Variants in NFAM1 observed in about 807,000 individuals in gnomAD.
NFAM1 encodes NFAT activation molecule 1.
NFAM1 carries 17 observed loss-of-function variants against 29.0 expected under a neutral mutation model. The ratio of observed to expected loss-of-function variants is 0.59; its 90% CI spans 0.40 to 0.88. The LOEUF (loss-of-function observed/expected upper bound fraction) is 0.88, where lower values mean the gene tolerates loss of function less well. Ranked by LOEUF, NFAM1 falls within the 40% of genes least tolerant of loss-of-function variation. The pLI is 0.00. For missense variants in NFAM1, 324 were observed against 344.6 expected, an observed-to-expected ratio of 0.94 and a Z score of 0.47; for synonymous variants, 175 against 147.2, an observed-to-expected ratio of 1.19 and a Z score of -1.36.
intron 5 of NFAM1, among the ~76,000 whole-genome samples, chr22:42,386,171 G>A (rs528876083): frequency 1.0e-3 from 152 of 152,116 alleles, no homozygotes; most frequent in African/African-American, 3.5e-3. Flanking sequence ...TCAGGAGTTC[G>A]AGACCAGCCT....
At chr22:42,393,622 T>C (rs953458215) in intron 4 of NFAM1, among the ~76,000 whole-genome samples, 3 of 150,466 alleles carry the variant, frequency 2.0e-5, no homozygotes, top group Admixed American at 6.6e-5. Context: ...TTCAGCATGT[T>C]GGCCAGGATG....
chr22:42,428,942 G>T (rs184282126), intron 1 of NFAM1, among the ~76,000 whole-genome samples: 144 of 152,340 alleles, frequency 9.5e-4, no homozygotes, highest in Non-Finnish European at 1.5e-3. Context: ...TCCTGGAAAA[G>T]CCAAGCCCCC....
chr22:42,405,584 G>A (rs1374385955), intron 3 of NFAM1, among the ~76,000 whole-genome samples: 2 of 152,226 alleles, frequency 1.3e-5, no homozygotes, highest in East Asian at 1.9e-4. Flanking sequence ...CATGGCAGGT[G>A]CATACTCGTG....
intron 3 of NFAM1, among the ~76,000 whole-genome samples, chr22:42,399,921 A>G (rs1929670622): frequency 6.6e-6 from 1 of 152,210 alleles, no homozygotes; most frequent in African/African-American, 2.4e-5. Context: ...ACCCCCAGTC[A>G]CAGCACATAA....
At position 42,388,055 on chromosome 22, in the gene NFAM1, A is replaced by C. The variant is rs1389141168; in HGVS notation, c.664-977T>G. ...CTTGGCACAAAGGGAGCAGCACCAA[A>C]TGAGCTATGGTAAGGGGGCTTCCCC... is the stretch of plus-strand genomic sequence containing the variant. On this transcript the variant is annotated intron_variant, in intron 4 of 5. Transcript: ENST00000329021. The surrounding 1 kb of genome is among the most constrained non-coding windows in gnomAD (Gnocchi z 4.1). Among the ~76,000 whole-genome samples, 1 of 152,214 alleles carries C rather than the reference A, an allele frequency of 6.6e-6. No individual in the cohort carries two copies. Among genetic ancestry groups the C allele is most frequent in the Non-Finnish European group, 1.5e-5 (1 of 68,038 alleles).
At position 42,384,052 on chromosome 22, in the gene NFAM1, C is replaced by T. The variant is rs1929050919; in HGVS notation, c.*1109G>A. On this transcript the variant is annotated 3_prime_UTR_variant, in exon 6 of 6. Coordinates refer to ENST00000329021, the MANE Select transcript of NFAM1 (RefSeq NM_145912.8). ...AGCCACTGTCCCCATGGGGCTTGAG[C>T]TTCTGCCTCAGAGGGACCTTCCGGC... The T allele has an allele frequency of 1.3e-5, 2 of 152,708 alleles. No homozygotes were observed. The highest frequency in any genetic ancestry group is 1.5e-5 in the Non-Finnish European group (1 of 68,104). The allele number at this position is 152,708 out of a possible 1,614,324, so 9.5% of individuals were successfully genotyped here.
intron 3 of NFAM1, among the ~76,000 whole-genome samples, chr22:42,408,968 T>TTGGGAGGGTGTG (rs548675758): frequency 4.6e-5 from 7 of 151,596 alleles, no homozygotes; most frequent in Admixed American, 2.0e-4. Flanking sequence ...TGGAGGGTGT[T>TTGGGAGGGTGTG]TGGGAGGGTG....
chr22:42,407,762 T>A (rs978187686), intron 3 of NFAM1, among the ~76,000 whole-genome samples: 88 of 152,210 alleles, frequency 5.8e-4, no homozygotes, highest in Middle Eastern at 6.8e-3. Flanking sequence ...GCTAATTTTT[T>A]AAAATGTTTT....
At chr22:42,436,717 A>C (rs986693287), upstream of NFAM1, among the ~76,000 whole-genome samples, 7 of 152,360 alleles carry the variant, frequency 4.6e-5, no homozygotes, top group African/African-American at 1.7e-4. Context: ...CCCTCATAGA[A>C]ACCTTGTATG....
intron 3 of NFAM1, among the ~76,000 whole-genome samples, chr22:42,404,039 TG>T (rs1314492640): frequency 6.6e-6 from 1 of 152,152 alleles, no homozygotes; most frequent in Non-Finnish European, 1.5e-5. Flanking sequence ...CATCCATTCC[TG>T]GGCTCTACCC....
intron 2 of NFAM1, chr22:42,410,414 C>T (rs1284658656): frequency 5.3e-6 from 2 of 377,154 alleles, no homozygotes; most frequent in Admixed American, 6.1e-5. Flanking sequence ...AATCCCAACA[C>T]TCTTGGAGGC....
At chr22:42,396,882 G>A (rs1431878126) in intron 4 of NFAM1, among the ~76,000 whole-genome samples, 3 of 152,128 alleles carry the variant, frequency 2.0e-5, no homozygotes, top group Admixed American at 6.5e-5. Context: ...GAACAGAAAC[G>A]ACAGCACGTA....
intron 3 of NFAM1, among the ~76,000 whole-genome samples, chr22:42,402,661 C>A (rs1285273017): frequency 6.8e-6 from 1 of 147,614 alleles, no homozygotes; most frequent in Non-Finnish European, 1.5e-5. Context: ...GAGGACGGGC[C>A]AGCCGCAGGG....
intron 1 of NFAM1, among the ~76,000 whole-genome samples, chr22:42,418,905 G>A (rs538461557): frequency 1.3e-5 from 2 of 152,284 alleles, no homozygotes; most frequent in South Asian, 2.1e-4. Flanking sequence ...AGGGCTGGGG[G>A]CATGAACAGC....
rs2147084824 is a variant in NFAM1 at position 42,383,655 on chromosome 22, A to C, written c.*1506T>G. On this transcript the variant is annotated 3_prime_UTR_variant, in exon 6 of 6. Transcript: ENST00000329021. ...CTACCACCAGCTTTCCCTTCCCTGC[A>C]GGGAGGGGCATGACCTGCAGAACCA... is the stretch of plus-strand genomic sequence containing the variant. 6.5e-6 allele frequency: 1 copy of C among 152,814 alleles called. No individual in the cohort carries two copies. The highest frequency in any genetic ancestry group is 1.9e-4 in the East Asian group (1 of 5,172). 9.5% of individuals were successfully genotyped at this position (152,814 alleles called of 1,614,324 possible).
intron 1 of NFAM1, among the ~76,000 whole-genome samples, chr22:42,417,975 C>T (rs966750456): frequency 5.9e-5 from 9 of 152,238 alleles, no homozygotes; most frequent in Admixed American, 1.3e-4. Context: ...TGGGCAGCGC[C>T]GTGGATCCCT....
intron 1 of NFAM1, among the ~76,000 whole-genome samples, chr22:42,424,407 T>G (rs367957084): frequency 6.9e-6 from 1 of 145,508 alleles, no homozygotes; most frequent in Non-Finnish European, 1.5e-5. Context: ...AGAGCGAGAC[T>G]CCGTCTCAAA....
Position 42,409,600 on chromosome 22 carries a change from G to T in NFAM1, c.452-53C>A. ...GGTCAGTGACCCAGGAGAAAGCGGG[G>T]CACACACACCTGATGTTCTCCCTCA... On this transcript the variant is annotated intron_variant, in intron 2 of 5. Transcript: ENST00000329021. This position sits in a 1 kb window ranked among gnomAD's most constrained non-coding sequence, Gnocchi z 4.9. 1.2e-6 allele frequency: 1 copy of T among 861,488 alleles called. No homozygotes were observed. Among genetic ancestry groups the T allele is most frequent in the South Asian group, 2.1e-5 (1 of 48,594 alleles). The allele number at this position is 861,488 out of a possible 1,614,324, so 53.4% of individuals were successfully genotyped here.
rs1283911187 is a variant in NFAM1, at chr22:42,388,008, GGT to G, written c.664-932_664-931del. Among the ~76,000 whole-genome samples the G allele has an allele frequency of 1.3e-5, 2 of 152,198 alleles. No individual in the cohort carries two copies. The highest frequency in any genetic ancestry group is 4.8e-5 in the African/African-American group (2 of 41,452). ...AGGGACCATGCCTAGTCTATCTCTGGGTTTCTGATTCTACAGCTGTGCTTGGC... is the reference window on the plus strand; with the variant it reads ...AGGGACCATGCCTAGTCTATCTCTGGTTCTGATTCTACAGCTGTGCTTGGC... On this transcript the variant is annotated intron_variant, in intron 4 of 5. Transcript: ENST00000329021. This position sits in a 1 kb window ranked among gnomAD's most constrained non-coding sequence, Gnocchi z 4.1.
Sources: allele counts gnomAD v4.1 joint callset (sites outside exome capture counted in the v4.1 genomes callset), GRCh38; gene constraint gnomAD v4.1.1; non-coding constraint Gnocchi (gnomAD v3.1); transcripts MANE v1.5; gene names NCBI Gene and HGNC (gene_info 2026-07-23, HGNC 2026-07-21).